Variants in MYL3 observed in about 807,000 individuals in gnomAD.
The protein encoded by MYL3 is CMLC1.
In MYL3, 11 loss-of-function variants were observed where a neutral mutation model predicts 21.3. That is an observed-to-expected ratio of 0.52 (90% CI 0.32 to 0.85). The LOEUF (loss-of-function observed/expected upper bound fraction) is 0.85. Ranked by LOEUF, MYL3 falls within the 40% of genes least tolerant of loss-of-function variation. The pLI is 0.03. For missense variants in MYL3, 206 were observed against 253.3 expected (o/e 0.81, Z 1.27); for synonymous variants, 88 against 91.6 (o/e 0.96, Z 0.22).
intron 1 of MYL3, among the ~76,000 whole-genome samples, chr3:46,872,665 C>T (rs1235073374): frequency 6.6e-6 from 1 of 152,242 alleles, no homozygotes; most frequent in East Asian, 1.9e-4. Context: ...GCAGCAGCTG[C>T]AGGGACAGCC....
At position 46,861,419 on chromosome 3, in the gene MYL3, G is replaced by A. The variant is rs1701991317; in HGVS notation, c.130-432C>T. 6.6e-6 allele frequency among the ~76,000 whole-genome samples: 1 copy of A among 152,228 alleles called. No individual in the cohort carries two copies. Among genetic ancestry groups the A allele is most frequent in the South Asian group, 2.1e-4 (1 of 4,834 alleles). ...TGAGATGGGAGGGCCCAGGGTGGTA[G>A]AAGGAGTAAGGGCAATGGTACAGGC... is the stretch of plus-strand genomic sequence containing the variant. On this transcript the variant is annotated intron_variant, in intron 1 of 6. Transcript: ENST00000292327. The surrounding 1 kb of genome is among the most constrained non-coding windows in gnomAD (Gnocchi z 4.2).
In MYL3 at chr3:46,860,876, C is replaced by G. The variant is rs542733581; in HGVS notation, c.158-51G>C. The G allele has an allele frequency of 1.9e-6, 3 of 1,614,004 alleles. No homozygotes were observed. The African/African-American group carries it at 4.0e-5, about 22-fold the overall frequency. On this transcript the variant is annotated intron_variant, in intron 2 of 6. Coordinates refer to ENST00000292327, the MANE Select transcript of MYL3 (RefSeq NM_000258.3). This position sits in a 1 kb window ranked among gnomAD's most constrained non-coding sequence, Gnocchi z 4.6. ...AGACACTCCCAGGGTCAGCCTACCC[C>G]ACTCCCCACACCCCTGGCAGGACCC...
intron 1 of MYL3, 74 bp downstream of exon 1, chr3:46,863,188 C>G: frequency 6.2e-7 from 1 of 1,604,014 alleles, no homozygotes; most frequent in African/African-American, 1.3e-5. Context: ...GCCTGACCTG[C>G]CTCTTGCTAG....
Position 46,879,055 on chromosome 3 carries a change from C to T in MYL3, c.-218+3019G>A, listed in dbSNP as rs1036937866. 1.3e-5 allele frequency among the ~76,000 whole-genome samples: 2 copies of T among 152,204 alleles called. No individual in the cohort carries two copies. The highest frequency in any genetic ancestry group is 4.8e-5 in the African/African-American group (2 of 41,458). ...GGGTGCTACCAGTTAATGTGTGACA[C>T]CCCCACCCTCATGGTAGCACTTTAA... On this transcript the variant is annotated intron_variant, in intron 1 of 3. Coordinates refer to the MYL3 transcript ENST00000431168. The surrounding 1 kb of genome is among the most constrained non-coding windows in gnomAD (Gnocchi z 4.7).
At chr3:46,877,210 T>C (rs2030270633) in intron 1 of MYL3, among the ~76,000 whole-genome samples, 1 of 151,934 alleles carries the variant, frequency 6.6e-6, no homozygotes, top group Non-Finnish European at 1.5e-5. Context: ...CCCCTCCATC[T>C]CTTCCGTCTA....
intron 1 of MYL3, among the ~76,000 whole-genome samples, chr3:46,881,519 C>A (rs1278471895): frequency 3.9e-5 from 6 of 152,122 alleles, no homozygotes; most frequent in Non-Finnish European, 8.8e-5. Flanking sequence ...CCTCGAGCCT[C>A]CGGGGTTGGG....
In MYL3 at chr3:46,860,590, C is replaced by T. The variant is rs561570934; in HGVS notation, c.307+86G>A. 1,833 of 1,567,634 alleles carry T rather than the reference C, an allele frequency of 1.2e-3. 3 individuals carry two copies. Among genetic ancestry groups the T allele is most frequent in the Non-Finnish European group, 1.1e-3 (1,297 of 1,156,092 alleles). On this transcript the variant is annotated intron_variant, in intron 3 of 6. Transcript: ENST00000292327. This position sits in a 1 kb window ranked among gnomAD's most constrained non-coding sequence, Gnocchi z 4.6. ...AATGCGAGATGTCAGGAAAGATTCT[C>T]GTGCTATCCCGCAGGATGGATGGCA...
chr3:46,871,927 G>A (rs775176051), intron 1 of MYL3, among the ~76,000 whole-genome samples: 24 of 152,232 alleles, frequency 1.6e-4, no homozygotes, highest in Non-Finnish European at 2.4e-4. Flanking sequence ...CAAAGCTGAT[G>A]AGGGTACAGG....
At chr3:46,877,719 G>A (rs1559524663) in intron 1 of MYL3, 2 of 152,290 alleles carry the variant, frequency 1.3e-5, no homozygotes, top group Non-Finnish European at 2.9e-5. Context: ...CTTGTCCCCA[G>A]CAGCACTATC....
chr3:46,877,338 C>T (rs77483609), intron 1 of MYL3, among the ~76,000 whole-genome samples: 4,596 of 152,258 alleles, frequency 0.03, 227 homozygotes, highest in African/African-American at 0.1. Context: ...GTGCCTTAAA[C>T]TTGAGTGAAG....
intron 1 of MYL3, among the ~76,000 whole-genome samples, chr3:46,875,789 C>A (rs1440470620): frequency 6.6e-6 from 1 of 152,248 alleles, no homozygotes; most frequent in African/African-American, 2.4e-5. Context: ...GCCTTGGCAT[C>A]CAGGCGTTCT....
intron 1 of MYL3, among the ~76,000 whole-genome samples, chr3:46,876,882 G>A (rs1470767911): frequency 6.6e-6 from 1 of 152,174 alleles, no homozygotes; most frequent in Non-Finnish European, 1.5e-5. Flanking sequence ...ACAGGGCCTG[G>A]GGGTGAGGTT....
Position 46,879,372 on chromosome 3 carries a change from T to C in MYL3, c.-218+2702A>G, listed in dbSNP as rs1336965764. On this transcript the variant is annotated intron_variant, in intron 1 of 3. Coordinates refer to the MYL3 transcript ENST00000431168. This position sits in a 1 kb window ranked among gnomAD's most constrained non-coding sequence, Gnocchi z 4.7. ...GTCCTTCCAATCCCTCCATTAATGTTCTTTTCTCATCACCAAGGGGGAAAG... is the reference window on the plus strand; with the variant it reads ...GTCCTTCCAATCCCTCCATTAATGTCCTTTTCTCATCACCAAGGGGGAAAG... Among the ~76,000 whole-genome samples the C allele has an allele frequency of 6.6e-6, 1 of 152,218 alleles. No individual in the cohort carries two copies. Among genetic ancestry groups the C allele is most frequent in the Non-Finnish European group, 1.5e-5 (1 of 68,038 alleles).
chr3:46,877,773 T>C (rs1167115752), intron 1 of MYL3: 3 of 152,270 alleles, frequency 2.0e-5, no homozygotes, highest in South Asian at 2.1e-4. Flanking sequence ...GGACTATCCA[T>C]GGCCTCCCCG....
chr3:46,859,638 G>T lies in MYL3; in HGVS notation c.318C>A (p.Thr106=). The T allele has an allele frequency of 1.2e-6, 2 of 1,614,140 alleles. No homozygotes were observed. The highest frequency in any genetic ancestry group is 1.7e-6 in the Non-Finnish European group (2 of 1,180,020). ...GGAAAGTTTCAAAGTCCATCATCTT[G>T]GTATTGAGCTCTGCAGAGAAATGGT... The part of the protein sequence containing the change: ...LGKPRQEELN[T]KMMDFETFLP... Residue 106 remains threonine (T), a synonymous_variant, in exon 4 of 7, where the codon ACC becomes ACA. Coordinates refer to ENST00000292327, the MANE Select transcript of MYL3 (RefSeq NM_000258.3). The surrounding 1 kb of genome is among the most constrained non-coding windows in gnomAD (Gnocchi z 4.1).
intron 1 of MYL3, among the ~76,000 whole-genome samples, chr3:46,878,843 AC>A (rs1397601716): frequency 1.3e-5 from 2 of 151,888 alleles, no homozygotes; most frequent in African/African-American, 4.8e-5. Context: ...TCCAGTGACC[AC>A]CCTGGCTCCT....
chr3:46,875,719 T>C (rs571325888), intron 1 of MYL3, among the ~76,000 whole-genome samples: 76 of 152,318 alleles, frequency 5.0e-4, no homozygotes, highest in Admixed American at 2.7e-3. Flanking sequence ...ATCCCACTTA[T>C]GCCTCACTCA....
Position 46,859,671 on chromosome 3 carries a change from T to C in MYL3, c.308-23A>G, listed in dbSNP as rs1183063858. The C allele has an allele frequency of 1.2e-6, 2 of 1,614,084 alleles. No homozygotes were observed. Among genetic ancestry groups the C allele is most frequent in the Non-Finnish European group, 1.7e-6 (2 of 1,179,948 alleles). Reference sequence around the variant, plus strand: ...GCTCTGCAGAGAAATGGTCCCAGGTTCCAGGGTCTAAGGCTGGGGTGGGCA... The same window carrying C: ...GCTCTGCAGAGAAATGGTCCCAGGTCCCAGGGTCTAAGGCTGGGGTGGGCA... On this transcript the variant is annotated intron_variant, in intron 3 of 6. Coordinates refer to ENST00000292327, the MANE Select transcript of MYL3 (RefSeq NM_000258.3). The surrounding 1 kb of genome is among the most constrained non-coding windows in gnomAD (Gnocchi z 4.1).
rs1701988669 is a variant in MYL3 at position 46,861,150 on chromosome 3, C to T, written c.130-163G>A. On this transcript the variant is annotated intron_variant, in intron 1 of 6. Coordinates refer to ENST00000292327, the MANE Select transcript of MYL3 (RefSeq NM_000258.3). This position sits in a 1 kb window ranked among gnomAD's most constrained non-coding sequence, Gnocchi z 4.2. ...ACCTCCTGCAGTCCATCTTGACGCC[C>T]TCCTGCCTCCTTGCCCCCCTCCACC... Among the ~76,000 whole-genome samples, 1 of 152,214 alleles carries T rather than the reference C, an allele frequency of 6.6e-6. No homozygotes were observed. Among genetic ancestry groups the T allele is most frequent in the Non-Finnish European group, 1.5e-5 (1 of 68,038 alleles).
Sources: gnomAD v4.1 joint callset for allele counts (sites outside exome capture counted in the v4.1 genomes callset) on GRCh38, gnomAD v4.1.1 for gene constraint, Gnocchi (gnomAD v3.1) non-coding constraint, MANE v1.5 for transcripts, NCBI Gene and HGNC (gene_info 2026-07-23, HGNC 2026-07-21) for gene names.